MAP1LC3B2: variants seen among roughly 807,000 people sequenced by gnomAD.
MAP1LC3B2 encodes the protein microtubule associated protein 1 light chain 3 beta 2, also known as microtubule-associated protein 1 light chain 3 beta 2.
For missense variants in MAP1LC3B2, 155 were observed against 154.6 expected (o/e 1.00, Z -0.01); for synonymous variants, 62 against 57.8 (o/e 1.07, Z -0.33).
At chr12:116,565,451 C>T (rs73393192) in intron 1 of MAP1LC3B2, among the ~76,000 whole-genome samples, 110 of 152,314 alleles carry the variant, frequency 7.2e-4, no homozygotes, top group East Asian at 2.9e-3. Flanking sequence ...TTCACTACCA[C>T]GAGAACAGTA....
intron 1 of MAP1LC3B2, among the ~76,000 whole-genome samples, chr12:116,561,336 TC>T (rs577650062): frequency 2.0e-5 from 3 of 150,808 alleles, no homozygotes; most frequent in Non-Finnish European, 4.4e-5. Context: ...AGAGAGGAAG[TC>T]CCAGAGGAAC....
chr12:116,565,131 C>T (rs974494474), intron 1 of MAP1LC3B2, among the ~76,000 whole-genome samples: 1 of 152,032 alleles, frequency 6.6e-6, no homozygotes. Flanking sequence ...GGGGAATTCA[C>T]CAAAAAGAAG....
intron 1 of MAP1LC3B2, among the ~76,000 whole-genome samples, chr12:116,565,427 A>G (rs137942777): frequency 5.1e-4 from 78 of 152,308 alleles, no homozygotes; most frequent in African/African-American, 1.8e-3. Context: ...ATCAGATCTC[A>G]TTCACACATC....
chr12:116,560,162 C>T (rs1869214737), intron 1 of MAP1LC3B2: 2 of 140,740 alleles, frequency 1.4e-5, no homozygotes, highest in Admixed American at 7.1e-5. Flanking sequence ...GGCCCAGCAA[C>T]GGCTCTGAAA....
chr12:116,572,531 A>AT (rs1869563779), intron 1 of MAP1LC3B2, among the ~76,000 whole-genome samples: 1 of 151,844 alleles, frequency 6.6e-6, no homozygotes, highest in African/African-American at 2.4e-5. Context: ...CACCCGGCTA[A>AT]TTTTTTGTAT....
At chr12:116,574,270 GTCTGAATGTACATTAACA>G (rs1869614660) in intron 1 of MAP1LC3B2, among the ~76,000 whole-genome samples, 2 of 150,530 alleles carry the variant, frequency 1.3e-5, no homozygotes, top group African/African-American at 4.9e-5. Flanking sequence ...CCTGGAAGCA[GTCTGAATGTACATTAACA>G]AAAACATGGT....
At chr12:116,560,154 C>G (rs922123773) in intron 1 of MAP1LC3B2, 3 of 144,012 alleles carry the variant, frequency 2.1e-5, no homozygotes, top group Non-Finnish European at 4.5e-5. Context: ...CACTCCCAGG[C>G]CCAGCAACGG....
intron 1 of MAP1LC3B2, among the ~76,000 whole-genome samples, chr12:116,573,608 C>T (rs1869598065): frequency 6.6e-6 from 1 of 152,194 alleles, no homozygotes; most frequent in Non-Finnish European, 1.5e-5. Flanking sequence ...CCTCTGCCTC[C>T]TGGATTCAAG....
At position 116,576,367 on chromosome 12, in the gene MAP1LC3B2, A is replaced by T. The variant is rs773106007; in HGVS notation, c.*47A>T. ...TCTAGAATTTTTTAAACCCTTACCA[A>T]GGAAAAAAAAAGGGATGTTACCAAC... On this transcript the variant is annotated 3_prime_UTR_variant, in exon 2 of 2. Transcript: ENST00000556529. 1.3e-6 allele frequency: 2 copies of T among 1,553,538 alleles called. No homozygotes were observed. Among genetic ancestry groups the T allele is most frequent in the Non-Finnish European group, 1.7e-6 (2 of 1,160,336 alleles).
intron 1 of MAP1LC3B2, among the ~76,000 whole-genome samples, chr12:116,566,254 C>G (rs1206250710): frequency 6.6e-6 from 1 of 152,212 alleles, no homozygotes; most frequent in Non-Finnish European, 1.5e-5. Context: ...TTTCCCACTA[C>G]TCATAACTAC....
At chr12:116,571,979 G>T (rs1257948434) in intron 1 of MAP1LC3B2, among the ~76,000 whole-genome samples, 1 of 151,030 alleles carries the variant, frequency 6.6e-6, no homozygotes, top group Non-Finnish European at 1.5e-5. Context: ...AAAAAAAAGG[G>T]TTAGGGAGAA....
chr12:116,573,019 G>C (rs571907663), intron 1 of MAP1LC3B2, among the ~76,000 whole-genome samples: 2 of 152,104 alleles, frequency 1.3e-5, no homozygotes, highest in Non-Finnish European at 2.9e-5. Flanking sequence ...CTGCCTCCTG[G>C]GTTCAAGCGA....
chr12:116,571,838 A>G (rs1011185754), intron 1 of MAP1LC3B2, among the ~76,000 whole-genome samples: 1 of 151,188 alleles, frequency 6.6e-6, no homozygotes, highest in South Asian at 2.1e-4. Context: ...TCCTAAAAAG[A>G]CCTAGGAGAG....
chr12:116,574,682 T>A (rs866134097), intron 1 of MAP1LC3B2, among the ~76,000 whole-genome samples: 1 of 151,440 alleles, frequency 6.6e-6, no homozygotes, highest in African/African-American at 2.4e-5. Context: ...CAAACACACA[T>A]ACACATTTTT....
At position 116,576,023 on chromosome 12, in the gene MAP1LC3B2, T is replaced by A. The variant is rs771672347; in HGVS notation, c.81T>A (p.His27Gln). The change falls in exon 2 of 2, where the codon CAT (histidine) becomes CAA (glutamine). Residue 27 changes from histidine (H) to glutamine (Q), a missense_variant. Coordinates refer to ENST00000556529, the MANE Select transcript of MAP1LC3B2 (RefSeq NM_001085481.3). ...VEDVRLIREQ[H>Q]PTKIPVIIER... ...ATGTCCGACTTATTCGAGAGCAGCA[T>A]CCAACCAAAATCCCGGTGATAATAG... The A allele has an allele frequency of 6.2e-6, 10 of 1,614,198 alleles. 1 individual carries two copies. In the Admixed American group the frequency reaches 1.5e-4, roughly 24 times the overall value.
chr12:116,569,969 G>C (rs1869487208), intron 1 of MAP1LC3B2, among the ~76,000 whole-genome samples: 1 of 152,104 alleles, frequency 6.6e-6, no homozygotes, highest in Non-Finnish European at 1.5e-5. Flanking sequence ...CAGGAGAATT[G>C]GTTGAACCCA....
rs1252862793 is a variant in MAP1LC3B2 at position 116,575,360 on chromosome 12, T to TGGAGC, written c.-101-479_-101-475dup. On this transcript the variant is annotated intron_variant, in intron 1 of 1. Coordinates refer to ENST00000556529, the MANE Select transcript of MAP1LC3B2 (RefSeq NM_001085481.3). ...ATCAGGGAGTTGCATTGGAGAGCAG[T>TGGAGC]GGAGCGGCTATTAACTTTATTTTAG... is the stretch of plus-strand genomic sequence containing the variant. Among the ~76,000 whole-genome samples the TGGAGC allele has an allele frequency of 4.6e-5, 7 of 152,312 alleles. No individual in the cohort carries two copies. The East Asian group carries it at 9.6e-4, about 21-fold the overall frequency.
intron 1 of MAP1LC3B2, among the ~76,000 whole-genome samples, chr12:116,568,047 A>G (rs10735094): frequency 0.96 from 146,088 of 152,310 alleles, 70,096 homozygotes; most frequent in East Asian, 1. Context: ...TTAAGTGAGT[A>G]AATGTGAATC....
intron 1 of MAP1LC3B2, chr12:116,560,218 A>ATATATATATATATATGTATGTATATG (rs1869227396): frequency 2.8e-5 from 2 of 71,162 alleles, no homozygotes; most frequent in Non-Finnish European, 2.8e-5. Flanking sequence ...ATATATATAT[A>ATATATATATATATATGTATGTATATG]TATATATATA....
Sources: gnomAD v4.1 joint callset for allele counts (sites outside exome capture counted in the v4.1 genomes callset) on GRCh38, gnomAD v4.1.1 for gene constraint, MANE v1.5 for transcripts, NCBI Gene and HGNC (gene_info 2026-07-23, HGNC 2026-07-21) for gene names.